OCIAD2: variants seen among roughly 807,000 people sequenced by gnomAD.
OCIAD2 encodes OCIA domain-containing protein 2.
OCIAD2 carries 29 observed loss-of-function variants against 22.9 expected under a neutral mutation model. The observed-to-expected ratio is 1.27, with a 90% CI of 0.94 to 1.73. OCIAD2 has a LOEUF of 1.73. Ranked by LOEUF, OCIAD2 falls within the 40% of genes most tolerant of loss-of-function variation. OCIAD2 has a pLI of 0.00. For missense variants in OCIAD2, 189 were observed against 180.3 expected (o/e 1.05, Z -0.28); for synonymous variants, 67 against 60.2 (o/e 1.11, Z -0.52).
intron 1 of OCIAD2, among the ~76,000 whole-genome samples, chr4:48,905,743 A>G (rs1363594689): frequency 6.6e-6 from 1 of 152,208 alleles, no homozygotes; most frequent in Non-Finnish European, 1.5e-5. Context: ...CCGTACTCGC[A>G]CCAAGTTTCA....
chr4:48,886,867 G>T (rs1270337020), intron 6 of OCIAD2, among the ~76,000 whole-genome samples: 2 of 152,238 alleles, frequency 1.3e-5, no homozygotes, highest in East Asian at 3.9e-4. Context: ...GTAATGGGAT[G>T]GCTGGGTCAA....
At chr4:48,897,766 CT>C (rs758831044) in intron 4 of OCIAD2, 37 bp downstream of exon 4, 168 of 1,518,250 alleles carry the variant, frequency 1.1e-4, no homozygotes, top group Non-Finnish European at 2.4e-5. Flanking sequence ...AAACTGGGCT[CT>C]CTGAAATTAG....
At chr4:48,903,577 G>T (rs192357933) in intron 2 of OCIAD2, among the ~76,000 whole-genome samples, 5 of 151,500 alleles carry the variant, frequency 3.3e-5, no homozygotes, top group Non-Finnish European at 7.4e-5. Context: ...TTCAGTCACT[G>T]ACAGTTCATC....
chr4:48,897,741 C>T, intron 4 of OCIAD2, 63 bp downstream of exon 4: 1 of 1,260,244 alleles, frequency 7.9e-7, no homozygotes, highest in South Asian at 1.2e-5. Flanking sequence ...AAAAAGCTGC[C>T]AGGAGGGTCA....
chr4:48,895,862 T>C (rs1781291125), intron 4 of OCIAD2, among the ~76,000 whole-genome samples: 1 of 152,016 alleles, frequency 6.6e-6, no homozygotes, highest in Admixed American at 6.5e-5. Flanking sequence ...TGAAACCCTG[T>C]CTCTACTAAA....
intron 5 of OCIAD2, chr4:48,893,525 C>T (rs1781228535): frequency 2.0e-5 from 3 of 152,166 alleles, no homozygotes; most frequent in South Asian, 2.1e-4. Context: ...TTATATCCAT[C>T]GTAGAAAACA....
intron 2 of OCIAD2, among the ~76,000 whole-genome samples, chr4:48,903,415 T>A (rs1304207915): frequency 6.6e-6 from 1 of 152,010 alleles, no homozygotes; most frequent in Non-Finnish European, 1.5e-5. Flanking sequence ...GGTGGGAGGA[T>A]CATTTGAGCT....
At chr4:48,895,022 G>A (rs1171336822) in intron 4 of OCIAD2, among the ~76,000 whole-genome samples, 2 of 152,216 alleles carry the variant, frequency 1.3e-5, no homozygotes, top group African/African-American at 4.8e-5. Context: ...GTGACAGGCA[G>A]AGAGATGGCA....
At chr4:48,889,209 T>C (rs545342428) in intron 6 of OCIAD2, among the ~76,000 whole-genome samples, 50 of 152,320 alleles carry the variant, frequency 3.3e-4, no homozygotes, top group African/African-American at 1.2e-3. Context: ...TTTTATTGCA[T>C]CTATTTGATT....
At chr4:48,892,958 A>G in intron 5 of OCIAD2, 69 bp from the exon 6 acceptor site, 3 of 755,996 alleles carry the variant, frequency 4.0e-6, no homozygotes, top group Non-Finnish European at 4.4e-6. Context: ...AGCTTTAAAA[A>G]TCAACGCTGG....
intron 2 of OCIAD2, among the ~76,000 whole-genome samples, chr4:48,901,386 T>C (rs1781414816): frequency 6.6e-6 from 1 of 152,156 alleles, no homozygotes; most frequent in African/African-American, 2.4e-5. Flanking sequence ...CTCTCAATTG[T>C]TGCAGTCTCC....
At chr4:48,905,369 A>G (rs1160264386) in intron 1 of OCIAD2, among the ~76,000 whole-genome samples, 2 of 152,050 alleles carry the variant, frequency 1.3e-5, no homozygotes, top group African/African-American at 4.8e-5. Context: ...GTCTAAAAAC[A>G]GTACTGGAGA....
chr4:48,898,711 A>C (rs1781353769), intron 3 of OCIAD2, among the ~76,000 whole-genome samples: 1 of 152,202 alleles, frequency 6.6e-6, no homozygotes, highest in Non-Finnish European at 1.5e-5. Flanking sequence ...TCCAAATTAA[A>C]GATTACAAGA....
In OCIAD2 at chr4:48,889,549, CAAT is replaced by C. The variant is rs545615920; in HGVS notation, c.383+3220_383+3222del. ...ATCAGAGAAATGCAAATCAAAACCA[CAAT>C]GAGATATCATCTCACACCAGTTAGA... On this transcript the variant is annotated intron_variant, in intron 6 of 6. Coordinates refer to ENST00000508632, the MANE Select transcript of OCIAD2 (RefSeq NM_001014446.3). 3.5e-3 allele frequency among the ~76,000 whole-genome samples: 530 copies of C among 152,278 alleles called. 7 individuals are homozygous for C. Among genetic ancestry groups the C allele is most frequent in the African/African-American group, 0.013 (520 of 41,572 alleles).
chr4:48,896,873 C>G (rs995883578), intron 4 of OCIAD2, among the ~76,000 whole-genome samples: 2 of 152,106 alleles, frequency 1.3e-5, no homozygotes, highest in Non-Finnish European at 2.9e-5. Flanking sequence ...AGGAATGTCT[C>G]TGGGTTCTCT....
intron 3 of OCIAD2, among the ~76,000 whole-genome samples, chr4:48,899,250 G>A (rs906218194): frequency 6.6e-5 from 10 of 152,106 alleles, no homozygotes; most frequent in Admixed American, 2.6e-4. Context: ...TTAATTGGAA[G>A]GGACCTTAAT....
In OCIAD2 at chr4:48,892,876, C is replaced by A; in HGVS notation, c.279G>T (p.Leu93Phe). 1 of 1,592,756 alleles carries A rather than the reference C, an allele frequency of 6.3e-7. No homozygotes were observed. Among genetic ancestry groups the A allele is most frequent in the South Asian group, 1.1e-5 (1 of 88,578 alleles). Residue 93 changes from leucine (L) to phenylalanine (F), a missense_variant, in exon 6 of 7, where the codon TTG becomes TTT. Transcript: ENST00000508632. ...SLPKVALAGL[L>F]GFGLGKVSYI... ...ATGATACCTTTCCAAGGCCAAATCC[C>A]AAGAGACCAGCAACTGTAAAAGCAG...
intron 6 of OCIAD2, among the ~76,000 whole-genome samples, chr4:48,891,290 A>C (rs1175351115): frequency 1.3e-5 from 2 of 152,058 alleles, no homozygotes; most frequent in African/African-American, 4.8e-5. Context: ...ACCTCAACTG[A>C]GTTAAGTGCC....
At chr4:48,904,269 T>C (rs1468922275) in intron 2 of OCIAD2, among the ~76,000 whole-genome samples, 1 of 152,076 alleles carries the variant, frequency 6.6e-6, no homozygotes, top group African/African-American at 2.4e-5. Flanking sequence ...TTGGGCAATA[T>C]AGTGAGACCT....
Sources: allele counts gnomAD v4.1 joint callset (sites outside exome capture counted in the v4.1 genomes callset), GRCh38; gene constraint gnomAD v4.1.1; transcripts MANE v1.5; gene names NCBI Gene and HGNC (gene_info 2026-07-23, HGNC 2026-07-21).